The following TRRAP variants were observed in gnomAD, a reference collection of about 807,000 sequenced individuals.
TRRAP encodes transformation/transcription domain-associated protein.
Under a neutral mutation model 438.8 loss-of-function variants are expected in TRRAP, and 41 were observed. That is an observed-to-expected ratio of 0.09 (90% CI 0.07 to 0.12). TRRAP has a LOEUF of 0.12. Ranked by LOEUF, TRRAP falls within the 10% of genes least tolerant of loss-of-function variation. The pLI is 1.00. For missense variants in TRRAP, 3,122 were observed against 5,055.1 expected, an observed-to-expected ratio of 0.62 and a Z score of 11.60; for synonymous variants, 1,994 against 1,962.9, an observed-to-expected ratio of 1.02 and a Z score of -0.42.
chr7:98,971,681 TC>T (rs1225188064), intron 52 of TRRAP, 117 bp from the exon 53 acceptor site: 1 of 1,251,970 alleles, frequency 8.0e-7, no homozygotes, highest in Non-Finnish European at 1.1e-6. Flanking sequence ...CTTACACACT[TC>T]CAGGAAACGA....
Position 98,912,150 on chromosome 7 carries a change from G to A in TRRAP, c.2136G>A (p.Lys712=). 4 of 1,614,182 alleles carry A rather than the reference G, an allele frequency of 2.5e-6. No individual in the cohort carries two copies. The African/African-American group carries it at 4.0e-5, about 16-fold the overall frequency. Residue 712 remains lysine (K), a synonymous_variant, in exon 18 of 73, where the codon AAG becomes AAA. Transcript: ENST00000456197. ...TGGAGCTCTCCAACCTGTACCTCAA[G>A]CTGTTCAAGCTGGTCTTTGGCTCTG... ...SNVELSNLYL[K]LFKLVFGSVS...
intron 70 of TRRAP, among the ~76,000 whole-genome samples, chr7:99,008,764 G>A (rs1794307253): frequency 6.6e-6 from 1 of 152,244 alleles, no homozygotes; most frequent in African/African-American, 2.4e-5. Context: ...GTCGTGGACG[G>A]TTTGTTATGA....
At chr7:98,984,467 C>T (rs1467000617) in intron 61 of TRRAP, 109 bp downstream of exon 61, 1 of 1,350,236 alleles carries the variant, frequency 7.4e-7, no homozygotes, top group Non-Finnish European at 9.9e-7. Flanking sequence ...TGGACTCGAA[C>T]TTTCCACAAA....
intron 3 of TRRAP, among the ~76,000 whole-genome samples, chr7:98,887,546 G>T (rs1334759677): frequency 6.6e-6 from 1 of 151,852 alleles, no homozygotes; most frequent in Non-Finnish European, 1.5e-5. Context: ...CCAGAAATCT[G>T]CACCGAGTTG....
chr7:98,956,326 G>A lies in TRRAP; in HGVS notation c.6096+22G>A. On this transcript the variant is annotated intron_variant, in intron 42 of 72. Transcript: ENST00000456197. This position sits in a 1 kb window ranked among gnomAD's most constrained non-coding sequence, Gnocchi z 4.5. ...GCAGGTAGGGGTGTCAGCCTCAGGGGTGCCCCGATCGTCTTCCTTTGACTT... is the reference window on the plus strand; with the variant it reads ...GCAGGTAGGGGTGTCAGCCTCAGGGATGCCCCGATCGTCTTCCTTTGACTT... 6.2e-7 allele frequency: 1 copy of A among 1,613,846 alleles called. No individual in the cohort carries two copies.
intron 70 of TRRAP, among the ~76,000 whole-genome samples, chr7:99,008,775 C>T (rs574697819): frequency 7.2e-5 from 11 of 152,212 alleles, no homozygotes; most frequent in Admixed American, 1.3e-4. Context: ...TTTGTTATGA[C>T]CAGACACGGG....
At chr7:99,007,388 A>G (rs1488789419) in intron 69 of TRRAP, among the ~76,000 whole-genome samples, 1 of 152,142 alleles carries the variant, frequency 6.6e-6, no homozygotes, top group Non-Finnish European at 1.5e-5. Context: ...TCACTCTCTC[A>G]TTCAGGCTGG....
chr7:98,990,666 C>T (rs760871430), intron 64 of TRRAP, 47 bp downstream of exon 64: 27 of 1,548,678 alleles, frequency 1.7e-5, no homozygotes, highest in Non-Finnish European at 2.4e-5. Context: ...AACATTGTGT[C>T]TTCATTTTGC....
At chr7:98,973,754 T>A (rs1016029987) in intron 53 of TRRAP, among the ~76,000 whole-genome samples, 1 of 152,172 alleles carries the variant, frequency 6.6e-6, no homozygotes, top group Non-Finnish European at 1.5e-5. Flanking sequence ...TGTTCCCAGA[T>A]GCGTGTCACA....
chr7:98,896,850 G>A (rs566772535), intron 7 of TRRAP, among the ~76,000 whole-genome samples: 65 of 152,290 alleles, frequency 4.3e-4, no homozygotes, highest in Non-Finnish European at 7.5e-4. Context: ...AAGCCCGAGC[G>A]CTGCTTTTCA....
rs2116627184 is a variant in TRRAP at position 98,953,544 on chromosome 7, A to G, written c.5730+111A>G. On this transcript the variant is annotated intron_variant, in intron 40 of 72. Coordinates refer to ENST00000456197, the MANE Select transcript of TRRAP (RefSeq NM_001375524.1). ...CTGTTGTCTTCTCCCAAAACCAATA[A>G]AAACCATGAAAACACAGACACTGTA... 2.8e-6 allele frequency: 4 copies of G among 1,422,936 alleles called. No homozygotes were observed. The South Asian group carries it at 5.4e-5, about 19-fold the overall frequency. 88.1% of individuals were successfully genotyped at this position (1,422,936 alleles called of 1,614,324 possible).
chr7:98,993,356 C>T (rs1394753393), intron 65 of TRRAP, among the ~76,000 whole-genome samples, 182 bp from the exon 66 acceptor site: 1 of 152,272 alleles, frequency 6.6e-6, no homozygotes, highest in African/African-American at 2.4e-5. Context: ...TCCCCGCGTC[C>T]CTCAGCGCAC....
chr7:98,884,088 T>C (rs1408385481), intron 3 of TRRAP, among the ~76,000 whole-genome samples: 1 of 152,168 alleles, frequency 6.6e-6, no homozygotes, highest in Admixed American at 6.5e-5. Flanking sequence ...TGGTCTAGAA[T>C]AGGCCTTATT....
chr7:98,929,243 G>A (rs1346390247), intron 23 of TRRAP, among the ~76,000 whole-genome samples: 5 of 151,954 alleles, frequency 3.3e-5, no homozygotes, highest in Non-Finnish European at 7.4e-5. Flanking sequence ...CCCAGCCCAC[G>A]CCCAGCTAAT....
intron 26 of TRRAP, 85 bp from the exon 27 acceptor site, chr7:98,933,156 C>T: frequency 6.9e-7 from 1 of 1,451,810 alleles, no homozygotes; most frequent in South Asian, 1.4e-5. Context: ...AACTTTGGAT[C>T]TCAAACATGG....
chr7:98,957,853 C>T lies in TRRAP; in HGVS notation c.6232-128C>T, dbSNP rs544273078. 10 of 764,436 alleles carry T rather than the reference C, an allele frequency of 1.3e-5. No individual in the cohort carries two copies. In the East Asian group the frequency reaches 2.1e-4, roughly 16 times the overall value. 47.4% of individuals were successfully genotyped at this position (764,436 alleles called of 1,614,324 possible). A position where few individuals can be genotyped will look rare whatever the true frequency, so the allele number is the denominator to read the frequency against. ...CACAGACCACATCTGTCTTTGGTAT[C>T]CCCAGCGCCCAGAGCTGCCTCTGTC... is the stretch of plus-strand genomic sequence containing the variant. On this transcript the variant is annotated intron_variant, in intron 43 of 72. Coordinates refer to ENST00000456197, the MANE Select transcript of TRRAP (RefSeq NM_001375524.1).
chr7:98,975,920 G>T, intron 53 of TRRAP: 3 of 513,126 alleles, frequency 5.8e-6, no homozygotes, highest in Non-Finnish European at 3.4e-6. Context: ...AGGCGCCATT[G>T]CTGAGCCTCT....
intron 40 of TRRAP, among the ~76,000 whole-genome samples, chr7:98,953,956 C>T (rs1791467917): frequency 6.6e-6 from 1 of 152,352 alleles, no homozygotes; most frequent in South Asian, 2.1e-4. Context: ...AAAGGTCACC[C>T]TTTTCCATCT....
rs547445063 is a variant in TRRAP at position 99,012,588 on chromosome 7, T to C, written c.*233T>C. On this transcript the variant is annotated 3_prime_UTR_variant, in exon 73 of 73. Coordinates refer to ENST00000456197, the MANE Select transcript of TRRAP (RefSeq NM_001375524.1). This position sits in a 1 kb window ranked among gnomAD's most constrained non-coding sequence, Gnocchi z 5.9. ...TTGGAAATGGCAGAGCTGAAACTTA[T>C]TCCAAGCTTTCAAAATAATCTTTTA... is the stretch of plus-strand genomic sequence containing the variant. 3.5e-5 allele frequency: 19 copies of C among 549,860 alleles called. No homozygotes were observed. In the South Asian group the frequency reaches 5.1e-4, roughly 15 times the overall value. 34.1% of individuals were successfully genotyped at this position (549,860 alleles called of 1,614,324 possible).
Sources: allele counts gnomAD v4.1 joint callset (sites outside exome capture counted in the v4.1 genomes callset), GRCh38; gene constraint gnomAD v4.1.1; non-coding constraint Gnocchi (gnomAD v3.1); transcripts MANE v1.5; gene names NCBI Gene and HGNC (gene_info 2026-07-23, HGNC 2026-07-21).